Variants in SULF1 observed in about 807,000 individuals in gnomAD.
The protein encoded by SULF1 is extracellular sulfatase Sulf-1.
A neutral mutation model predicts 110.5 loss-of-function variants in SULF1; 46 were observed. The ratio of observed to expected loss-of-function variants is 0.42; its 90% confidence interval spans 0.33 to 0.53. The LOEUF (loss-of-function observed/expected upper bound fraction) is 0.53. SULF1 is among the 20% of genes least tolerant of loss of function. SULF1 has a pLI of 0.12. For missense variants in SULF1, 941 were observed against 1,094.2 expected (o/e 0.86, Z 1.98); for synonymous variants, 371 against 387.1 (o/e 0.96, Z 0.49).
intron 13 of SULF1, among the ~76,000 whole-genome samples, chr8:69,610,644 G>C (rs1340839888): frequency 6.6e-6 from 1 of 152,196 alleles, no homozygotes; most frequent in African/African-American, 2.4e-5. Flanking sequence ...ATGAACAGTT[G>C]TTCATCTAAT....
At chr8:69,603,157 T>C (rs777721586) in intron 10 of SULF1, 35 bp from the exon 11 acceptor site, 8 of 1,611,236 alleles carry the variant, frequency 5.0e-6, no homozygotes, top group Admixed American at 3.3e-5. Flanking sequence ...TCCCCTGGCA[T>C]TGGATCTCAG....
In SULF1 at chr8:69,574,558, C is replaced by T. The variant is rs185288986; in HGVS notation, c.173-1412C>T. ...TACGTGTGCATTGCTTTGCAAATAT[C>T]CCCAAGTGATTTTTCTATGTAGGTT... On this transcript the variant is annotated intron_variant, in intron 5 of 22. Coordinates refer to ENST00000402687, the MANE Select transcript of SULF1 (RefSeq NM_001128205.2). 9.2e-5 allele frequency among the ~76,000 whole-genome samples: 14 copies of T among 152,298 alleles called. No individual in the cohort carries two copies. The East Asian group carries it at 2.7e-3, about 29-fold the overall frequency.
intron 5 of SULF1, among the ~76,000 whole-genome samples, chr8:69,575,139 T>C (rs139988172): frequency 2.0e-3 from 301 of 152,284 alleles, no homozygotes; most frequent in Middle Eastern, 0.01. Flanking sequence ...GCCTGTGCTT[T>C]TCTGCAGTGT....
At chr8:69,519,366 A>T (rs1812143002) in intron 3 of SULF1, among the ~76,000 whole-genome samples, 1 of 152,176 alleles carries the variant, frequency 6.6e-6, no homozygotes, top group Non-Finnish European at 1.5e-5. Context: ...ACCAATCCAT[A>T]ATACTTATGG....
chr8:69,615,761 A>G (rs940415351), intron 13 of SULF1, among the ~76,000 whole-genome samples: 2 of 152,174 alleles, frequency 1.3e-5, no homozygotes, highest in Admixed American at 6.5e-5. Flanking sequence ...TCTATCCCAT[A>G]GGAAACCAAC....
At chr8:69,537,585 G>A (rs1813512670) in intron 3 of SULF1, among the ~76,000 whole-genome samples, 2 of 152,106 alleles carry the variant, frequency 1.3e-5, no homozygotes, top group Non-Finnish European at 2.9e-5. Flanking sequence ...TCATTCAAGG[G>A]GATTCGTCCT....
chr8:69,494,083 T>G (rs1671188583), intron 1 of SULF1, among the ~76,000 whole-genome samples: 1 of 152,222 alleles, frequency 6.6e-6, no homozygotes. Flanking sequence ...ATACAGAGAT[T>G]TATTGTTTTA....
rs1043454610 is a variant in SULF1 at position 69,549,912 on chromosome 8, A to G, written c.-133-13627A>G. On this transcript the variant is annotated intron_variant, in intron 3 of 22. Coordinates refer to ENST00000402687, the MANE Select transcript of SULF1 (RefSeq NM_001128205.2). ...CAGTGCACTCTCTCACCCAGCAACAACTCTTTGTTTTACTGAGTTCTGAGG... is the reference window on the plus strand; with the variant it reads ...CAGTGCACTCTCTCACCCAGCAACAGCTCTTTGTTTTACTGAGTTCTGAGG... 5.3e-5 allele frequency among the ~76,000 whole-genome samples: 8 copies of G among 151,408 alleles called. 1 individual carries two copies. Among genetic ancestry groups the G allele is most frequent in the Admixed American group, 2.6e-4 (4 of 15,180 alleles).
chr8:69,586,275 T>C, intron 6 of SULF1, 82 bp from the exon 7 acceptor site: 1 of 1,407,380 alleles, frequency 7.1e-7, no homozygotes, highest in Non-Finnish European at 9.3e-7. Context: ...CGTCTCTTTT[T>C]CAAGTCATAA....
chr8:69,600,496 C>A, intron 8 of SULF1, 107 bp from the exon 9 acceptor site: 2 of 1,073,734 alleles, frequency 1.9e-6, no homozygotes, highest in Non-Finnish European at 2.6e-6. Flanking sequence ...AATGTTTTAG[C>A]AGTGTCTCAA....
intron 3 of SULF1, among the ~76,000 whole-genome samples, chr8:69,543,164 A>G (rs897817644): frequency 6.6e-5 from 10 of 152,258 alleles, no homozygotes; most frequent in East Asian, 3.9e-4. Flanking sequence ...TATACATTCC[A>G]TACTTGCAAA....
chr8:69,603,680 T>C, intron 12 of SULF1, 24 bp downstream of exon 12: 1 of 1,569,384 alleles, frequency 6.4e-7, no homozygotes, highest in Non-Finnish European at 8.8e-7. Context: ...CCTGGGGTGC[T>C]TCTGGGAACC....
At chr8:69,513,673 T>C (rs1022976769) in intron 3 of SULF1, among the ~76,000 whole-genome samples, 1 of 152,196 alleles carries the variant, frequency 6.6e-6, no homozygotes. Context: ...ACAAAGCCCT[T>C]GTGAATCCCA....
chr8:69,613,316 T>C (rs991632689), intron 13 of SULF1, among the ~76,000 whole-genome samples: 3 of 151,486 alleles, frequency 2.0e-5, no homozygotes, highest in African/African-American at 7.3e-5. Flanking sequence ...TTTTTTTTTT[T>C]TTGCTTAATA....
chr8:69,521,210 T>C (rs866660873), intron 3 of SULF1, among the ~76,000 whole-genome samples: 1 of 152,186 alleles, frequency 6.6e-6, no homozygotes, highest in African/African-American at 2.4e-5. Context: ...CATTCATTAA[T>C]TTAATAAATA....
intron 3 of SULF1, among the ~76,000 whole-genome samples, chr8:69,512,036 C>T (rs1946936): frequency 0.21 from 31,287 of 151,946 alleles, 3,880 homozygotes; most frequent in East Asian, 0.63. Flanking sequence ...GAGAAGTTTC[C>T]TAAGTATTAT....
intron 13 of SULF1, among the ~76,000 whole-genome samples, chr8:69,616,228 A>ATTTTT (rs1432141232): frequency 5.8e-4 from 81 of 140,050 alleles, no homozygotes; most frequent in African/African-American, 2.1e-3. Context: ...ATATATATAT[A>ATTTTT]TATTTTTTTG....
chr8:69,579,380 C>T (rs1296281794), intron 6 of SULF1, among the ~76,000 whole-genome samples: 2 of 151,926 alleles, frequency 1.3e-5, no homozygotes, highest in Admixed American at 6.6e-5. Flanking sequence ...AAAACCCCAT[C>T]TCTACTGAAA....
intron 13 of SULF1, among the ~76,000 whole-genome samples, chr8:69,618,922 G>A (rs1311880715): frequency 6.6e-6 from 1 of 152,142 alleles, no homozygotes; most frequent in African/African-American, 2.4e-5. Flanking sequence ...TCAGTTATCA[G>A]CAAAGCCATC....
Sources: allele counts gnomAD v4.1 joint callset (sites outside exome capture counted in the v4.1 genomes callset), GRCh38; gene constraint gnomAD v4.1.1; transcripts MANE v1.5; gene names NCBI Gene and HGNC (gene_info 2026-07-23, HGNC 2026-07-21).